Variants in CBX1 observed in about 807,000 individuals in gnomAD.
CBX1 encodes the protein chromobox 1.
CBX1 carries 10 observed loss-of-function variants against 25.1 expected under a neutral mutation model. That is an observed-to-expected ratio of 0.40 (90% CI 0.25 to 0.68). CBX1 has a LOEUF of 0.68. CBX1 is among the 30% of genes least tolerant of loss of function. The pLI, the probability that CBX1 is intolerant of heterozygous loss-of-function variation, is 0.40. For synonymous variants in CBX1, 63 were observed against 79.4 expected, an observed-to-expected ratio of 0.79 and a Z score of 1.10; for missense variants, 106 against 218.5, an observed-to-expected ratio of 0.49 and a Z score of 3.25.
intron 1 of CBX1, among the ~76,000 whole-genome samples, chr17:48,077,439 T>TTG (rs2037686520): frequency 3.1e-5 from 3 of 97,916 alleles, no homozygotes; most frequent in Non-Finnish European, 6.4e-5. Flanking sequence ...TGTTGTTTTT[T>TTG]TTTTTGTTTT....
At chr17:48,092,153 G>A (rs1425417183) in intron 1 of CBX1, among the ~76,000 whole-genome samples, 1 of 149,082 alleles carries the variant, frequency 6.7e-6, no homozygotes, top group Non-Finnish European at 1.5e-5. Flanking sequence ...ACCATGCCCA[G>A]CTACTTTTGT....
chr17:48,073,285 G>A (rs906975210), intron 4 of CBX1, among the ~76,000 whole-genome samples: 1 of 152,030 alleles, frequency 6.6e-6, no homozygotes, highest in African/African-American at 2.4e-5. Context: ...TAGTCCCATA[G>A]AGCAGAAGAG....
intron 1 of CBX1, chr17:48,100,865 G>C: frequency 1.0e-6 from 1 of 985,656 alleles, no homozygotes; most frequent in Non-Finnish European, 1.2e-6. Context: ...TCCGAATACA[G>C]TTACAAACCT....
At chr17:48,089,870 A>C (rs2063335006) in intron 1 of CBX1, among the ~76,000 whole-genome samples, 1 of 151,990 alleles carries the variant, frequency 6.6e-6, no homozygotes, top group East Asian at 1.9e-4. Context: ...CCAAGGAGTA[A>C]AGAAAGGAAG....
At chr17:48,098,260 A>AAAACAAACAAAC (rs57937836) in intron 1 of CBX1, among the ~76,000 whole-genome samples, 1 of 150,610 alleles carries the variant, frequency 6.6e-6, no homozygotes, top group African/African-American at 2.4e-5. Flanking sequence ...AAAAAAACAA[A>AAAACAAACAAAC]AAACAAACAA....
intron 1 of CBX1, chr17:48,100,708 C>A: frequency 1.0e-6 from 1 of 985,578 alleles, no homozygotes; most frequent in Non-Finnish European, 1.2e-6. Context: ...CCCTCCGTGT[C>A]CCCTTTCCCA....
At chr17:48,088,283 C>T (rs2063324538) in intron 1 of CBX1, 1 of 151,372 alleles carries the variant, frequency 6.6e-6, no homozygotes, top group South Asian at 2.1e-4. Context: ...TGCACTCCAG[C>T]CTGGGAGACA....
In CBX1 at chr17:48,098,488, TCCC is replaced by T. The variant is rs571675875; in HGVS notation, c.-38+2777_-38+2779del. Among the ~76,000 whole-genome samples the T allele has an allele frequency of 3.5e-3, 528 of 152,210 alleles. 2 individuals carry two copies. Among genetic ancestry groups the T allele is most frequent in the Middle Eastern group, 0.024 (7 of 294 alleles). ...CAGGCACTAATGAACAAGAGGTGCG[TCCC>T]CATTTTTTCATTTTTCTTTTTTTGA... On this transcript the variant is annotated intron_variant, in intron 1 of 4. Transcript: ENST00000225603.
At chr17:48,100,829 G>A (rs2063405089) in intron 1 of CBX1, 1 of 985,680 alleles carries the variant, frequency 1.0e-6, no homozygotes, top group South Asian at 4.7e-5. Context: ...AGGTTCCTCT[G>A]GCAGTCCCAG....
intron 3 of CBX1, 51 bp from the exon 4 acceptor site, chr17:48,075,151 C>T: frequency 8.7e-7 from 1 of 1,154,172 alleles, no homozygotes; most frequent in Non-Finnish European, 1.3e-6. Flanking sequence ...GACTATTATC[C>T]AGACTGGAAC....
intron 2 of CBX1, among the ~76,000 whole-genome samples, chr17:48,076,471 C>T (rs910658336): frequency 3.3e-5 from 5 of 152,104 alleles, no homozygotes; most frequent in African/African-American, 9.7e-5. Flanking sequence ...TTGGGAGGCC[C>T]AGGTGGGAGG....
At chr17:48,078,710 C>G (rs9905460) in intron 1 of CBX1, among the ~76,000 whole-genome samples, 125,233 of 150,506 alleles carry the variant, frequency 0.83, 52,145 homozygotes, top group East Asian at 0.95. Context: ...GGCTGGTCTT[C>G]AACTCCTGAC....
At chr17:48,075,923 C>T in intron 3 of CBX1, 78 bp downstream of exon 3, 2 of 1,107,468 alleles carry the variant, frequency 1.8e-6, no homozygotes, top group South Asian at 1.7e-5. Flanking sequence ...CTGCTAATAT[C>T]AGGGAAGAAG....
rs2037680305 is a variant in CBX1 at position 48,076,963 on chromosome 17, T to C, written c.42A>G (p.Leu14=). 3 of 1,613,830 alleles carry C rather than the reference T, an allele frequency of 1.9e-6. No individual in the cohort carries two copies. Among genetic ancestry groups the C allele is most frequent in the East Asian group, 2.2e-5 (1 of 44,840 alleles). The change falls in exon 2 of 5, where the codon CTA becomes CTG. Residue 14 remains leucine (L), a synonymous_variant. Coordinates refer to ENST00000225603, the MANE Select transcript of CBX1 (RefSeq NM_001127228.2). ...CCACATATTCCTCTTCCTCCTCTTC[T>C]AGCACCTCCTCCACTTTCTTCTTGT... The part of the protein sequence containing the change: ...KQNKKKVEEV[L]EEEEEEYVVE...
rs532282556 is a variant in CBX1 at position 48,075,218 on chromosome 17, G to A, written c.319-118C>T. 2.1e-3 allele frequency: 1,453 copies of A among 678,060 alleles called. 27 individuals carry two copies. The South Asian group carries it at 0.025, about 11-fold the overall frequency. 42.0% of individuals were successfully genotyped at this position (678,060 alleles called of 1,614,324 possible). ...AACTCTTTTTTTTTTTTTTTGAGAC[G>A]GAATCTCACTCTGTCGCCCAGGCTG... On this transcript the variant is annotated intron_variant, in intron 3 of 4. Transcript: ENST00000225603.
At chr17:48,091,832 CA>C (rs1337746501) in intron 1 of CBX1, among the ~76,000 whole-genome samples, 2 of 152,046 alleles carry the variant, frequency 1.3e-5, no homozygotes, top group East Asian at 3.9e-4. Context: ...CGTGAGCCAC[CA>C]CACCAGGCCT....
chr17:48,101,143 T>A (rs572536750), intron 1 of CBX1, 125 bp downstream of exon 1: 1 of 986,476 alleles, frequency 1.0e-6, no homozygotes, highest in South Asian at 4.5e-5. Context: ...AGCAGGACGC[T>A]GGACCCGGGC....
At chr17:48,077,674 CT>C (rs2037691356) in intron 1 of CBX1, among the ~76,000 whole-genome samples, 1 of 151,896 alleles carries the variant, frequency 6.6e-6, no homozygotes, top group Non-Finnish European at 1.5e-5. Flanking sequence ...CCCAATACTC[CT>C]TTTACCATAA....
At chr17:48,079,863 C>T (rs2037714543) in intron 1 of CBX1, among the ~76,000 whole-genome samples, 1 of 152,046 alleles carries the variant, frequency 6.6e-6, no homozygotes, top group Middle Eastern at 3.2e-3. Flanking sequence ...TAAACTGGAA[C>T]CCTGTAAAAA....
Sources: gnomAD v4.1 joint callset for allele counts (sites outside exome capture counted in the v4.1 genomes callset) on GRCh38, gnomAD v4.1.1 for gene constraint, MANE v1.5 for transcripts, NCBI Gene and HGNC (gene_info 2026-07-23, HGNC 2026-07-21) for gene names.